The following CDH4 variants were observed in gnomAD, a reference collection of about 807,000 sequenced individuals.
CDH4 encodes the protein cadherin 4.
A neutral mutation model predicts 86.0 loss-of-function variants in CDH4; 33 were observed. The ratio of observed to expected loss-of-function variants is 0.38; its 90% confidence interval spans 0.29 to 0.51. The LOEUF (loss-of-function observed/expected upper bound fraction) is 0.51. Among genes scored for constraint, CDH4 ranks in the 20% least tolerant of loss-of-function variants. The pLI is 0.86. For missense variants in CDH4, 1,114 were observed against 1,307.4 expected (o/e 0.85, Z 2.28); for synonymous variants, 555 against 549.4 (o/e 1.01, Z -0.14).
At chr20:61,697,464 G>T (rs1165746987) in intron 2 of CDH4, among the ~76,000 whole-genome samples, 1 of 152,170 alleles carries the variant, frequency 6.6e-6, no homozygotes, top group Non-Finnish European at 1.5e-5. Context: ...TGAGCGTGGT[G>T]GTGGACACTT....
intron 2 of CDH4, among the ~76,000 whole-genome samples, chr20:61,654,861 GGCCA>G (rs1313464465): frequency 6.6e-6 from 1 of 152,228 alleles, no homozygotes; most frequent in Non-Finnish European, 1.5e-5. Context: ...GGCTGTGCAG[GGCCA>G]GCTGCTCCTC....
At chr20:61,794,831 C>T (rs1413209260) in intron 4 of CDH4, among the ~76,000 whole-genome samples, 2 of 152,172 alleles carry the variant, frequency 1.3e-5, no homozygotes, top group African/African-American at 2.4e-5. Context: ...GCTCATTGCT[C>T]CAGGCACTGT....
Position 61,938,684 on chromosome 20 carries a change from C to T in CDH4, c.*1741C>T, listed in dbSNP as rs1428123435. 1 of 152,568 alleles carries T rather than the reference C, an allele frequency of 6.6e-6. No homozygotes were observed. Among genetic ancestry groups the T allele is most frequent in the South Asian group, 2.1e-4 (1 of 4,838 alleles). The allele number at this position is 152,568 out of a possible 1,614,324, so 9.5% of individuals were successfully genotyped here. A position where few individuals can be genotyped will look rare whatever the true frequency, so the allele number is the denominator to read the frequency against. Reference sequence around the variant, plus strand: ...GAGCTCCACCAGGGGCCCCGGCCCCCACCTCAGCCTATGGCCCTTCCCCAT... The same window carrying T: ...GAGCTCCACCAGGGGCCCCGGCCCCTACCTCAGCCTATGGCCCTTCCCCAT... On this transcript the variant is annotated 3_prime_UTR_variant, in exon 16 of 16. Coordinates refer to ENST00000614565, the MANE Select transcript of CDH4 (RefSeq NM_001794.5).
chr20:61,261,617 C>T (rs572762760), intron 2 of CDH4, among the ~76,000 whole-genome samples: 3 of 152,168 alleles, frequency 2.0e-5, no homozygotes, highest in Middle Eastern at 3.4e-3. Flanking sequence ...CTCTGTTTTC[C>T]CTCTTTGTGC....
intron 4 of CDH4, among the ~76,000 whole-genome samples, chr20:61,842,595 C>T (rs756105973): frequency 2.0e-5 from 3 of 152,214 alleles, no homozygotes; most frequent in Admixed American, 6.5e-5. Context: ...CCTATGCTTG[C>T]ATAACATATA....
At chr20:61,652,065 G>A (rs986377280) in intron 2 of CDH4, among the ~76,000 whole-genome samples, 1 of 152,250 alleles carries the variant, frequency 6.6e-6, no homozygotes, top group Admixed American at 6.5e-5. Flanking sequence ...CAGGACGGCA[G>A]CCTGTGGTCC....
chr20:61,691,723 G>GGTATTTATGGA (rs1373172831), intron 2 of CDH4, among the ~76,000 whole-genome samples: 3 of 152,294 alleles, frequency 2.0e-5, no homozygotes, highest in African/African-American at 7.2e-5. Flanking sequence ...CAGTAACAAT[G>GGTATTTATGGA]GTATTTATGG....
intron 2 of CDH4, among the ~76,000 whole-genome samples, chr20:61,439,447 C>T (rs989090779): frequency 4.6e-5 from 7 of 152,140 alleles, no homozygotes; most frequent in Non-Finnish European, 8.8e-5. Flanking sequence ...CAAGCCATGA[C>T]CAGCCAGGGC....
chr20:61,581,587 G>A (rs2086428918), intron 2 of CDH4, among the ~76,000 whole-genome samples: 2 of 152,074 alleles, frequency 1.3e-5, no homozygotes, highest in Admixed American at 1.3e-4. Flanking sequence ...CGGTCTGTGT[G>A]CTCCGAAGTC....
chr20:61,727,420 GTCA>G (rs1042301578), intron 2 of CDH4, among the ~76,000 whole-genome samples: 8 of 152,078 alleles, frequency 5.3e-5, no homozygotes, highest in African/African-American at 1.2e-4. Context: ...CATCATCTCT[GTCA>G]TCATCACCAT....
chr20:61,525,833 G>C (rs1285270911), intron 2 of CDH4, among the ~76,000 whole-genome samples: 2 of 152,152 alleles, frequency 1.3e-5, no homozygotes, highest in African/African-American at 4.8e-5. Context: ...AAGTCTCCCA[G>C]CTGCTGTGGC....
At chr20:61,622,866 C>A in intron 2 of CDH4, among the ~76,000 whole-genome samples, 1 of 152,156 alleles carries the variant, frequency 6.6e-6, no homozygotes, top group African/African-American at 2.4e-5. Context: ...AGAATCCCTG[C>A]ATTTGAGTTA....
At chr20:61,379,229 G>A (rs1349229607) in intron 2 of CDH4, among the ~76,000 whole-genome samples, 1 of 152,104 alleles carries the variant, frequency 6.6e-6, no homozygotes. Context: ...GGAAGGGTCT[G>A]AGGATGAGAT....
At chr20:61,579,313 G>A (rs2086408134) in intron 2 of CDH4, among the ~76,000 whole-genome samples, 1 of 135,846 alleles carries the variant, frequency 7.4e-6, no homozygotes, top group Non-Finnish European at 1.6e-5. Flanking sequence ...TTGAGACGGA[G>A]TCTCTCTCTG....
rs752182734 is a variant in CDH4, at chr20:61,417,661, G to T, written c.169+162724G>T. Among the ~76,000 whole-genome samples, 1 of 152,172 alleles carries T rather than the reference G, an allele frequency of 6.6e-6. No individual in the cohort carries two copies. The highest frequency in any genetic ancestry group is 2.1e-4 in the South Asian group (1 of 4,824). On this transcript the variant is annotated intron_variant, in intron 2 of 15. Coordinates refer to ENST00000614565, the MANE Select transcript of CDH4 (RefSeq NM_001794.5). The surrounding 1 kb of genome is among the most constrained non-coding windows in gnomAD (Gnocchi z 4.0). ...TGGATTGGGGAGCAAATTTCTAGCC[G>T]CTTCCCTCTCAGAACATGCATTTCT... is the stretch of plus-strand genomic sequence containing the variant.
chr20:61,429,004 G>T (rs1357313494), intron 2 of CDH4, among the ~76,000 whole-genome samples: 1 of 151,374 alleles, frequency 6.6e-6, no homozygotes, highest in East Asian at 1.9e-4. Context: ...TAACTATATT[G>T]TATTAGTCCA....
At chr20:61,583,151 GGAGGGA>G in intron 2 of CDH4, among the ~76,000 whole-genome samples, 1 of 30,230 alleles carries the variant, frequency 3.3e-5, no homozygotes, top group Non-Finnish European at 1.1e-4. Context: ...AGGGCTCTGC[GGAGGGA>G]CAGAGGGCTC....
At chr20:61,789,551 T>G (rs1979053221) in intron 4 of CDH4, among the ~76,000 whole-genome samples, 1 of 152,136 alleles carries the variant, frequency 6.6e-6, no homozygotes, top group Non-Finnish European at 1.5e-5. Flanking sequence ...ATCTAGTGGT[T>G]TCAGGAATTT....
rs1401675909 is a variant in CDH4, at chr20:61,505,002, G to A, written c.170-238561G>A. The stretch of plus-strand genomic sequence containing the variant: ...ATGTTGGGGAGGGGGCTTCTCTTTC[G>A]TTACACAGCTCAGTGTTCATTGTTT... On this transcript the variant is annotated intron_variant, in intron 2 of 15. Coordinates refer to ENST00000614565, the MANE Select transcript of CDH4 (RefSeq NM_001794.5). Among the ~76,000 whole-genome samples, 10 of 152,152 alleles carry A rather than the reference G, an allele frequency of 6.6e-5. No individual in the cohort carries two copies. In the East Asian group the frequency reaches 9.6e-4, roughly 15 times the overall value.
Sources: allele counts gnomAD v4.1 joint callset (sites outside exome capture counted in the v4.1 genomes callset), GRCh38; gene constraint gnomAD v4.1.1; non-coding constraint Gnocchi (gnomAD v3.1); transcripts MANE v1.5; gene names NCBI Gene and HGNC (gene_info 2026-07-23, HGNC 2026-07-21).